The following KCNMA1 variants were observed in gnomAD, a reference collection of about 807,000 sequenced individuals.
KCNMA1 encodes potassium calcium-activated channel subfamily M alpha 1.
KCNMA1 carries 29 observed loss-of-function variants against 140.0 expected under a neutral mutation model. The ratio of observed to expected loss-of-function variants is 0.21; its 90% CI spans 0.15 to 0.28. KCNMA1 has a LOEUF of 0.28. Ranked by LOEUF, KCNMA1 falls within the 10% of genes least tolerant of loss-of-function variation. The pLI, the probability that KCNMA1 is intolerant of heterozygous loss-of-function variation, is 1.00. For synonymous variants in KCNMA1, 612 were observed against 611.9 expected, an observed-to-expected ratio of 1.00 and a Z score of 0.00; for missense variants, 880 against 1,602.2, an observed-to-expected ratio of 0.55 and a Z score of 7.70.
chr10:76,982,356 A>C (rs2079794188), intron 19 of KCNMA1, among the ~76,000 whole-genome samples: 1 of 151,846 alleles, frequency 6.6e-6, no homozygotes, highest in African/African-American at 2.4e-5. Context: ...AAGGAAGAAA[A>C]AGAAGACGAC....
intron 3 of KCNMA1, among the ~76,000 whole-genome samples, chr10:77,212,453 G>C (rs2046380607): frequency 6.6e-6 from 1 of 152,100 alleles, no homozygotes; most frequent in Non-Finnish European, 1.5e-5. Flanking sequence ...ACTAGAGAGG[G>C]GAGGGAAAGG....
chr10:77,033,979 C>A (rs1238237848), intron 15 of KCNMA1, among the ~76,000 whole-genome samples: 2 of 152,134 alleles, frequency 1.3e-5, no homozygotes, highest in African/African-American at 4.8e-5. Flanking sequence ...CGGTGGCTCA[C>A]GCCTGTAATC....
intron 1 of KCNMA1, among the ~76,000 whole-genome samples, chr10:77,522,809 T>C (rs1365566553): frequency 6.6e-6 from 1 of 152,240 alleles, no homozygotes; most frequent in Non-Finnish European, 1.5e-5. Context: ...ATTTTGAACA[T>C]ACAGAACTGC....
At chr10:77,370,766 A>T (rs1308988939) in intron 2 of KCNMA1, among the ~76,000 whole-genome samples, 1 of 152,192 alleles carries the variant, frequency 6.6e-6, no homozygotes, top group Non-Finnish European at 1.5e-5. Flanking sequence ...TCTACTGGAA[A>T]AGACTTGGCC....
intron 1 of KCNMA1, chr10:77,636,322 C>T (rs2093721141): frequency 6.6e-7 from 1 of 1,518,226 alleles, no homozygotes; most frequent in South Asian, 1.2e-5. Context: ...AGGCAGTGAG[C>T]CTAGCAACCA....
chr10:77,398,841 C>T (rs1420338816), intron 2 of KCNMA1, among the ~76,000 whole-genome samples: 1 of 152,206 alleles, frequency 6.6e-6, no homozygotes, highest in Non-Finnish European at 1.5e-5. Context: ...ACAGCACAAC[C>T]AAACTATACT....
intron 1 of KCNMA1, among the ~76,000 whole-genome samples, chr10:77,578,270 C>G (rs988668641): frequency 5.3e-5 from 8 of 152,202 alleles, no homozygotes; most frequent in African/African-American, 1.9e-4. Flanking sequence ...ATCTCATGCT[C>G]TAAGGGTCAG....
At chr10:76,999,227 A>G (rs772958426) in intron 19 of KCNMA1, among the ~76,000 whole-genome samples, 1 of 152,338 alleles carries the variant, frequency 6.6e-6, no homozygotes, top group East Asian at 1.9e-4. Flanking sequence ...TTTCTCTTGG[A>G]TATAATGGAA....
intron 9 of KCNMA1, among the ~76,000 whole-genome samples, chr10:77,093,809 G>A (rs2096868385): frequency 6.6e-6 from 1 of 152,090 alleles, no homozygotes; most frequent in African/African-American, 2.4e-5. Flanking sequence ...TTGTTCACAG[G>A]GCATGATTTG....
At chr10:77,007,002 C>A (rs1258367850) in intron 18 of KCNMA1, among the ~76,000 whole-genome samples, 2 of 152,198 alleles carry the variant, frequency 1.3e-5, no homozygotes, top group South Asian at 2.1e-4. Context: ...TCTTTTGCTG[C>A]AAAGGAATGA....
chr10:76,875,862 C>T (rs1366963165), downstream of KCNMA1: 1 of 152,648 alleles, frequency 6.6e-6, no homozygotes, highest in East Asian at 1.9e-4. Context: ...TGAATATAGA[C>T]TGTTGACATC....
chr10:77,007,653 G>GTGTGTGTCTATATATATATATATATATA, intron 18 of KCNMA1, among the ~76,000 whole-genome samples: 1 of 88,482 alleles, frequency 1.1e-5, no homozygotes, highest in African/African-American at 4.5e-5. Context: ...TTGTGTGTGT[G>GTGTGTGTCTATATATATATATATATATA]TATATATATA....
intron 16 of KCNMA1, among the ~76,000 whole-genome samples, chr10:77,023,469 T>C (rs1038632744): frequency 5.9e-5 from 9 of 152,174 alleles, no homozygotes; most frequent in African/African-American, 1.9e-4. Context: ...AACGTAGTAA[T>C]TATATTTGTG....
At chr10:77,285,724 G>T (rs1279820301) in intron 2 of KCNMA1, among the ~76,000 whole-genome samples, 2 of 152,144 alleles carry the variant, frequency 1.3e-5, no homozygotes, top group Admixed American at 1.3e-4. Flanking sequence ...CCAGGCTCTG[G>T]AGTCAAATTG....
At chr10:77,611,418 G>C (rs2086823402) in intron 1 of KCNMA1, among the ~76,000 whole-genome samples, 1 of 152,116 alleles carries the variant, frequency 6.6e-6, no homozygotes. Context: ...AAAGAAACTG[G>C]GTCCATGGAG....
At chr10:77,369,482 C>T (rs2094550004) in intron 2 of KCNMA1, among the ~76,000 whole-genome samples, 1 of 152,156 alleles carries the variant, frequency 6.6e-6, no homozygotes, top group Admixed American at 6.5e-5. Context: ...GCCCTATGCT[C>T]ATTAAATCAA....
At chr10:77,288,561 T>G (rs2071886413) in intron 2 of KCNMA1, among the ~76,000 whole-genome samples, 1 of 152,214 alleles carries the variant, frequency 6.6e-6, no homozygotes, top group South Asian at 2.1e-4. Flanking sequence ...GGAGGTACTA[T>G]TATCATCCCT....
At chr10:77,313,988 G>A (rs942080533) in intron 2 of KCNMA1, 4 of 152,138 alleles carry the variant, frequency 2.6e-5, no homozygotes, top group Non-Finnish European at 4.4e-5. Context: ...AGTCCTGACC[G>A]TCATTTTATA....
chr10:77,145,369 C>G (rs551873888), intron 5 of KCNMA1, among the ~76,000 whole-genome samples: 1 of 152,210 alleles, frequency 6.6e-6, no homozygotes, highest in Non-Finnish European at 1.5e-5. Context: ...TCTATGCAAA[C>G]GTATGCACAC....
Sources: gnomAD v4.1 joint callset for allele counts (sites outside exome capture counted in the v4.1 genomes callset) on GRCh38, gnomAD v4.1.1 for gene constraint, MANE v1.5 for transcripts, NCBI Gene and HGNC (gene_info 2026-07-23, HGNC 2026-07-21) for gene names.